ADAM9: variants seen among roughly 807,000 people sequenced by gnomAD.
The protein encoded by ADAM9 is disintegrin and metalloproteinase domain-containing protein 9.
ADAM9 carries 54 observed loss-of-function variants against 108.1 expected under a neutral mutation model. The observed-to-expected ratio is 0.50, with a 90% confidence interval of 0.40 to 0.63. The LOEUF (loss-of-function observed/expected upper bound fraction) is 0.63, where lower values mean the gene tolerates loss of function less well. Among genes scored for constraint, ADAM9 ranks in the 20% least tolerant of loss-of-function variants. The pLI, the probability that ADAM9 is intolerant of heterozygous loss-of-function variation, is 0.00. For missense variants in ADAM9, 830 were observed against 997.7 expected, an observed-to-expected ratio of 0.83 and a Z score of 2.26; for synonymous variants, 316 against 336.0, an observed-to-expected ratio of 0.94 and a Z score of 0.65.
At chr8:39,025,191 A>G (rs1004868800) in intron 9 of ADAM9, among the ~76,000 whole-genome samples, 1 of 152,080 alleles carries the variant, frequency 6.6e-6, no homozygotes, top group Non-Finnish European at 1.5e-5. Context: ...CCCAGGTTCA[A>G]ATGATTCTTC....
In ADAM9 at chr8:39,104,669, C is replaced by A. The variant is rs1393580774; in HGVS notation, c.*969C>A. The A allele has an allele frequency of 4.4e-6, 2 of 453,478 alleles. No homozygotes were observed. 28.1% of individuals were successfully genotyped at this position (453,478 alleles called of 1,614,324 possible). ...GAATGTTTACATTTACTAAGGTGTG[C>A]TGGGTCATGTAAAATATTAGACACT... On this transcript the variant is annotated 3_prime_UTR_variant, in exon 22 of 22. Coordinates refer to ENST00000487273, the MANE Select transcript of ADAM9 (RefSeq NM_003816.3).
At chr8:39,051,531 T>A (rs1420651392) in intron 12 of ADAM9, among the ~76,000 whole-genome samples, 3 of 152,214 alleles carry the variant, frequency 2.0e-5, no homozygotes, top group Non-Finnish European at 4.4e-5. Context: ...TGTAACTATC[T>A]TAGAGAAATA....
Position 39,093,998 on chromosome 8 carries a change from C to G in ADAM9, c.2298+2652C>G, listed in dbSNP as rs1022940238. ...TATTGGCCAGGCTGGTCTTGAACTC[C>G]GGACCTCAGGTGATCCACCTGCCTC... On this transcript the variant is annotated intron_variant, in intron 20 of 21. Coordinates refer to ENST00000487273, the MANE Select transcript of ADAM9 (RefSeq NM_003816.3). Among the ~76,000 whole-genome samples the G allele has an allele frequency of 2.0e-5, 3 of 152,242 alleles. No individual in the cohort carries two copies. The South Asian group carries it at 6.2e-4, about 32-fold the overall frequency.
rs938265423 is a variant in ADAM9 at position 39,089,820 on chromosome 8, A to C, written c.2069-227A>C. ...TATTTTGTTCTTGATTGTTTGCTCG[A>C]AGAAATACTGTAAGGTTACAGAAGA... On this transcript the variant is annotated intron_variant, in intron 18 of 21. Coordinates refer to ENST00000487273, the MANE Select transcript of ADAM9 (RefSeq NM_003816.3). 6 of 525,938 alleles carry C rather than the reference A, an allele frequency of 1.1e-5. No individual in the cohort carries two copies. In the South Asian group the frequency reaches 1.2e-4, roughly 11 times the overall value. 32.6% of individuals were successfully genotyped at this position (525,938 alleles called of 1,614,324 possible).
At chr8:39,043,066 T>G (rs928438635) in intron 12 of ADAM9, among the ~76,000 whole-genome samples, 1 of 152,204 alleles carries the variant, frequency 6.6e-6, no homozygotes, top group Non-Finnish European at 1.5e-5. Flanking sequence ...TATACTCAAG[T>G]TTCATCTACG....
At chr8:39,083,402 C>T (rs1588423136) in intron 18 of ADAM9, among the ~76,000 whole-genome samples, 1 of 152,162 alleles carries the variant, frequency 6.6e-6, no homozygotes, top group Non-Finnish European at 1.5e-5. Context: ...TAATTCAGTG[C>T]GTCTGCATTG....
chr8:39,014,395 T>G (rs932760824), intron 4 of ADAM9: 4 of 562,818 alleles, frequency 7.1e-6, no homozygotes, highest in Admixed American at 3.4e-5. Flanking sequence ...ATTAAAACAT[T>G]TAATTTGTCA....
intron 20 of ADAM9, 141 bp from the exon 21 acceptor site, chr8:39,101,722 C>A: frequency 1.3e-6 from 1 of 749,720 alleles, no homozygotes; most frequent in Non-Finnish European, 2.1e-6. Context: ...AAATTTGAAA[C>A]TCTTCTGGTT....
chr8:39,045,566 G>GTATA (rs1302559064), intron 12 of ADAM9, among the ~76,000 whole-genome samples: 13 of 58,352 alleles, frequency 2.2e-4, no homozygotes, highest in Admixed American at 6.6e-4. Flanking sequence ...ATATGTGTGT[G>GTATA]TGTGTATATA....
At chr8:39,057,528 G>A (rs547607542) in intron 14 of ADAM9, among the ~76,000 whole-genome samples, 1 of 152,190 alleles carries the variant, frequency 6.6e-6, no homozygotes, top group African/African-American at 2.4e-5. Flanking sequence ...TGTCAGATCT[G>A]CAGGGAGAGT....
At chr8:39,048,998 GTTTT>G (rs34077661) in intron 12 of ADAM9, among the ~76,000 whole-genome samples, 1 of 121,468 alleles carries the variant, frequency 8.2e-6, no homozygotes, top group African/African-American at 3.0e-5. Flanking sequence ...ATAGCATATA[GTTTT>G]TTTTTTTTTT....
rs1421141280 is a variant in ADAM9 at position 39,067,255 on chromosome 8, G to A, written c.1592-4043G>A. On this transcript the variant is annotated intron_variant, in intron 14 of 21. Transcript: ENST00000487273. The stretch of plus-strand genomic sequence containing the variant: ...TGTGGGCTCTTTTTTGGTTCCATAT[G>A]AACTTTAAAGTATTTTTTTCCAATT... Among the ~76,000 whole-genome samples the A allele has an allele frequency of 2.0e-5, 3 of 152,178 alleles. No individual in the cohort carries two copies. The East Asian group carries it at 5.9e-4, about 30-fold the overall frequency.
intron 15 of ADAM9, among the ~76,000 whole-genome samples, chr8:39,073,964 C>A (rs1838776579): frequency 6.6e-6 from 1 of 152,142 alleles, no homozygotes; most frequent in South Asian, 2.1e-4. Context: ...CACATACATA[C>A]CTCATTTTTC....
Position 39,102,032 on chromosome 8 carries a change from T to C in ADAM9, c.2366+102T>C, listed in dbSNP as rs114826726. ...TTAATGTAATTTAGTGAAAGGTATTTATTGTCAACAGTTTACAAGAATATG... is the reference window on the plus strand; with the variant it reads ...TTAATGTAATTTAGTGAAAGGTATTCATTGTCAACAGTTTACAAGAATATG... On this transcript the variant is annotated intron_variant, in intron 21 of 21. Coordinates refer to ENST00000487273, the MANE Select transcript of ADAM9 (RefSeq NM_003816.3). 97 of 992,150 alleles carry C rather than the reference T, an allele frequency of 9.8e-5. No homozygotes were observed. The African/African-American group carries it at 1.3e-3, about 13-fold the overall frequency. 61.5% of individuals were successfully genotyped at this position (992,150 alleles called of 1,614,324 possible). A position where few individuals can be genotyped will look rare whatever the true frequency, so the allele number is the denominator to read the frequency against.
intron 6 of ADAM9, among the ~76,000 whole-genome samples, chr8:39,018,300 A>G (rs575632314): frequency 3.9e-5 from 6 of 152,314 alleles, no homozygotes; most frequent in Non-Finnish European, 7.3e-5. Context: ...AACTTTAAAC[A>G]TTGGAAAACA....
At chr8:39,070,262 G>A (rs1036769836) in intron 14 of ADAM9, among the ~76,000 whole-genome samples, 41 of 151,274 alleles carry the variant, frequency 2.7e-4, no homozygotes, top group African/African-American at 9.9e-4. Flanking sequence ...TTGTGTTAAT[G>A]ATATACTATA....
At chr8:39,088,903 A>G (rs964146907) in intron 18 of ADAM9, among the ~76,000 whole-genome samples, 1 of 152,220 alleles carries the variant, frequency 6.6e-6, no homozygotes, top group Non-Finnish European at 1.5e-5. Context: ...GCAAGAGTCC[A>G]GTAGAAAAAC....
intron 11 of ADAM9, among the ~76,000 whole-genome samples, chr8:39,039,975 A>C (rs1306132831): frequency 1.3e-5 from 2 of 152,200 alleles, no homozygotes; most frequent in African/African-American, 4.8e-5. Context: ...TGGCTGCACC[A>C]ATCTACATTC....
At chr8:39,038,279 A>G (rs2129435881) in intron 11 of ADAM9, among the ~76,000 whole-genome samples, 1 of 152,282 alleles carries the variant, frequency 6.6e-6, no homozygotes, top group Middle Eastern at 3.4e-3. Context: ...ACATTCCTAC[A>G]ATGGCCTATT....
Sources: allele counts gnomAD v4.1 joint callset (sites outside exome capture counted in the v4.1 genomes callset), GRCh38; gene constraint gnomAD v4.1.1; transcripts MANE v1.5; gene names NCBI Gene and HGNC (gene_info 2026-07-23, HGNC 2026-07-21).